Variants in SPG11 observed in about 807,000 individuals in gnomAD.
The protein encoded by SPG11 is spatacsin.
In SPG11, 222 loss-of-function variants were observed where a neutral mutation model predicts 274.0. The observed-to-expected ratio is 0.81, with a 90% CI of 0.73 to 0.91. The LOEUF (loss-of-function observed/expected upper bound fraction) is 0.91. Among genes scored for constraint, SPG11 ranks in the 40% least tolerant of loss-of-function variants. The pLI, the probability that SPG11 is intolerant of heterozygous loss-of-function variation, is 0.00. For synonymous variants in SPG11, 1,144 were observed against 1,039.7 expected, an observed-to-expected ratio of 1.10 and a Z score of -1.93; for missense variants, 3,114 against 2,872.7, an observed-to-expected ratio of 1.08 and a Z score of -1.92.
Position 44,598,373 on chromosome 15 carries a change from G to A in SPG11, c.3893C>T (p.Ala1298Val), listed in dbSNP as rs768718170. Reference sequence around the variant, plus strand: ...ATCAGCTAGTTTAGATAGTTTTTCGGCTGTAAGAAATATAAACAACAAAAT... The same window carrying A: ...ATCAGCTAGTTTAGATAGTTTTTCGACTGTAAGAAATATAAACAACAAAAT... ...AQYSFIRESV[A>V]EKLSKLADGE... The change falls in exon 23 of 40, where the codon GCC becomes GTC. Residue 1298 changes from alanine to valine, a missense_variant and splice_region_variant. Transcript: ENST00000261866. 1.2e-6 allele frequency: 2 copies of A among 1,612,806 alleles called. No homozygotes were observed. The highest frequency in any genetic ancestry group is 2.2e-5 in the East Asian group (1 of 44,886).
chr15:44,659,589 A>C (rs1017801501), intron 2 of SPG11, among the ~76,000 whole-genome samples: 2 of 152,184 alleles, frequency 1.3e-5, no homozygotes, highest in East Asian at 1.9e-4. Flanking sequence ...CCCCATAAGA[A>C]GACTTTTTCT....
At chr15:44,582,761 G>C (rs1287004067) in intron 30 of SPG11, among the ~76,000 whole-genome samples, 4 of 144,386 alleles carry the variant, frequency 2.8e-5, no homozygotes, top group Non-Finnish European at 6.1e-5. Flanking sequence ...ATAGTCTAAC[G>C]AAAAAAAAAA....
Position 44,660,526 on chromosome 15 carries a change from A to G in SPG11, c.348T>C (p.Tyr116=). The change falls in exon 2 of 40, where the codon TAT becomes TAC. Residue 116 remains tyrosine (Y), a synonymous_variant. Transcript: ENST00000261866. ...ATCTTCCATCTTTCAAATTAAATTC[A>G]TAGATAAGCAGTTCATAATTTTCAC... The part of the protein sequence containing the change: ...ALGENYELLI[Y]EFNLKDGRCD... 1.2e-6 allele frequency: 2 copies of G among 1,614,188 alleles called. No individual in the cohort carries two copies. Among genetic ancestry groups the G allele is most frequent in the Non-Finnish European group, 1.7e-6 (2 of 1,180,006 alleles).
At chr15:44,658,661 A>G (rs2085010477) in intron 3 of SPG11, among the ~76,000 whole-genome samples, 1 of 152,032 alleles carries the variant, frequency 6.6e-6, no homozygotes, top group Non-Finnish European at 1.5e-5. Context: ...GGGTTTCACC[A>G]TATTGGCCAG....
At chr15:44,623,170 A>C (rs1461693742) in intron 11 of SPG11, among the ~76,000 whole-genome samples, 6 of 152,074 alleles carry the variant, frequency 3.9e-5, no homozygotes, top group Non-Finnish European at 7.4e-5. Flanking sequence ...GCTGGTCTTG[A>C]ACTCCTAGGC....
At chr15:44,631,494 A>G (rs1204422604) in intron 8 of SPG11, among the ~76,000 whole-genome samples, 5 of 152,220 alleles carry the variant, frequency 3.3e-5, no homozygotes. Flanking sequence ...AAGGTGTTCT[A>G]GTGAGCTGAG....
intron 18 of SPG11, among the ~76,000 whole-genome samples, chr15:44,609,298 AT>A (rs913011657): frequency 9.9e-4 from 143 of 144,196 alleles, no homozygotes; most frequent in Non-Finnish European, 7.1e-4. Context: ...CCCCCGGCTA[AT>A]TTTTTTTTTT....
intron 36 of SPG11, 87 bp downstream of exon 36, chr15:44,567,337 G>A (rs913447304): frequency 3.0e-5 from 43 of 1,418,178 alleles, no homozygotes; most frequent in Admixed American, 1.7e-4. Flanking sequence ...GGGACAGAGC[G>A]AGACTCTGTC....
chr15:44,662,495 T>G (rs572311262), intron 1 of SPG11, among the ~76,000 whole-genome samples: 1 of 151,848 alleles, frequency 6.6e-6, no homozygotes, highest in African/African-American at 2.4e-5. Flanking sequence ...CAGTGAGACC[T>G]CATCTCTACA....
chr15:44,605,303 C>T (rs1008268380), intron 20 of SPG11, among the ~76,000 whole-genome samples: 5 of 152,060 alleles, frequency 3.3e-5, no homozygotes, highest in South Asian at 2.1e-4. Context: ...ACTCTGGGCA[C>T]GAGGTAAATT....
chr15:44,633,593 C>G lies in SPG11; in HGVS notation c.1647G>C (p.Leu549Phe). 1 of 1,613,054 alleles carries G rather than the reference C, an allele frequency of 6.2e-7. No homozygotes were observed. The highest frequency in any genetic ancestry group is 8.5e-7 in the Non-Finnish European group (1 of 1,179,706). ...NRQLDTVNFF[L>F]KSKENLFNPS... Reference sequence around the variant, plus strand: ...GATTAAAAAGATTTTCCTTGCTCTTCAAAAAGAAATTTACTGTGTCCAGCT... The same window carrying G: ...GATTAAAAAGATTTTCCTTGCTCTTGAAAAAGAAATTTACTGTGTCCAGCT... Residue 549 changes from leucine to phenylalanine, a missense_variant, in exon 8 of 40, where the codon TTG becomes TTC. Leu to Phe is a conservative substitution (Grantham distance 22). Transcript: ENST00000261866.
At position 44,584,179 on chromosome 15, in the gene SPG11, A is replaced by T; in HGVS notation, c.5501T>A (p.Phe1834Tyr). Residue 1834 changes from phenylalanine (F) to tyrosine (Y), a missense_variant, in exon 30 of 40, where the codon TTT becomes TAT. Transcript: ENST00000261866. ...RQISTSGELS[F>Y]DSLASEFSFS... ...GGAAAACTCACTGGCTAAACTATCA[A>T]AGGAAAGTTCACCACTAGTTGAGAT... The T allele has an allele frequency of 6.2e-7, 1 of 1,614,196 alleles. No individual in the cohort carries two copies. Among genetic ancestry groups the T allele is most frequent in the Non-Finnish European group, 8.5e-7 (1 of 1,180,024 alleles).
chr15:44,595,339 C>T lies in SPG11; in HGVS notation c.4555G>A (p.Asp1519Asn), dbSNP rs774436217. ...STEDHTWNLE[D>N]LSVIWRTLLT... The stretch of plus-strand genomic sequence containing the variant: ...AATGTTCTCCAGATGACTGAAAGAT[C>T]CTCAAGGTTCCAGGTATGGTCCTCT... Residue 1519 changes from aspartate to asparagine, a missense_variant, in exon 26 of 40, where the codon GAT becomes AAT. Coordinates refer to ENST00000261866, the MANE Select transcript of SPG11 (RefSeq NM_025137.4). 3 of 1,614,202 alleles carry T rather than the reference C, an allele frequency of 1.9e-6. No individual in the cohort carries two copies. Among genetic ancestry groups the T allele is most frequent in the Non-Finnish European group, 1.7e-6 (2 of 1,180,036 alleles).
intron 30 of SPG11, among the ~76,000 whole-genome samples, chr15:44,575,759 T>C (rs2082522719): frequency 6.6e-6 from 1 of 152,156 alleles, no homozygotes; most frequent in Admixed American, 6.5e-5. Context: ...CTTCCAAAAG[T>C]GCTGGGATTA....
Position 44,564,599 on chromosome 15 carries a change from A to G in SPG11, c.7099T>C (p.Phe2367Leu). Residue 2367 changes from phenylalanine (F) to leucine (L), a missense_variant, in exon 39 of 40, where the codon TTT becomes CTT. Phe to Leu is a conservative substitution (Grantham distance 22). Transcript: ENST00000261866. Reference sequence around the variant, plus strand: ...GACTTTAATAACCTTTGCTGCTTAAATTCTTCCAAGTAATTAAAGTCTCCT... The same window carrying G: ...GACTTTAATAACCTTTGCTGCTTAAGTTCTTCCAAGTAATTAAAGTCTCCT... ...LKGDFNYLEE[F>L]KQQRLLKSSI... 3 of 1,614,090 alleles carry G rather than the reference A, an allele frequency of 1.9e-6. No homozygotes were observed. The highest frequency in any genetic ancestry group is 2.5e-6 in the Non-Finnish European group (3 of 1,179,936).
At chr15:44,641,518 T>A in intron 7 of SPG11, among the ~76,000 whole-genome samples, 1 of 136,680 alleles carries the variant, frequency 7.3e-6, no homozygotes, top group Non-Finnish European at 1.6e-5. Flanking sequence ...AAAAGAAAAA[T>A]ACCCGAAAAG....
At chr15:44,568,674 T>C (rs991183121) in intron 35 of SPG11, among the ~76,000 whole-genome samples, 1 of 152,212 alleles carries the variant, frequency 6.6e-6, no homozygotes, top group Non-Finnish European at 1.5e-5. Flanking sequence ...ACTTTTGTGT[T>C]TGATTCCCAA....
intron 22 of SPG11, 64 bp downstream of exon 22, chr15:44,598,567 T>G: frequency 6.7e-7 from 1 of 1,494,468 alleles, no homozygotes; most frequent in East Asian, 2.3e-5. Context: ...ACACTCACAA[T>G]TCAATGCCTT....
At position 44,584,321 on chromosome 15, in the gene SPG11, C is replaced by A. The variant is rs1185283884; in HGVS notation, c.5359G>T (p.Asp1787Tyr). ...TLAGHWLAQE[D>Y]VVPLDKLEEL... ...TCCAGCTTATCCAAGGGCACCACGT[C>A]CTCCTGGGCAAGCCAGTGCCCTGCC... The change falls in exon 30 of 40, where the codon GAC becomes TAC. Residue 1787 changes from aspartate (D) to tyrosine (Y), a missense_variant. Transcript: ENST00000261866. 6.2e-7 allele frequency: 1 copy of A among 1,611,254 alleles called. No individual in the cohort carries two copies. Among genetic ancestry groups the A allele is most frequent in the Non-Finnish European group, 8.5e-7 (1 of 1,178,138 alleles).
Sources: gnomAD v4.1 joint callset for allele counts (sites outside exome capture counted in the v4.1 genomes callset) on GRCh38, gnomAD v4.1.1 for gene constraint, MANE v1.5 for transcripts, NCBI Gene and HGNC (gene_info 2026-07-23, HGNC 2026-07-21) for gene names.